FAR2: variants seen among roughly 807,000 people sequenced by gnomAD.
FAR2 encodes the protein fatty acyl-CoA reductase 2.
A neutral mutation model predicts 56.0 loss-of-function variants in FAR2; 19 were observed. That is an observed-to-expected ratio of 0.34 (90% CI 0.24 to 0.50). FAR2 has a LOEUF of 0.50. Among genes scored for constraint, FAR2 ranks in the 20% least tolerant of loss-of-function variants. FAR2 has a pLI of 0.98. For missense variants in FAR2, 508 were observed against 642.2 expected (o/e 0.79, Z 2.26); for synonymous variants, 219 against 218.8 (o/e 1.00, Z -0.01).
At chr12:29,259,956 G>A (rs936003228) in intron 1 of FAR2, among the ~76,000 whole-genome samples, 5 of 152,162 alleles carry the variant, frequency 3.3e-5, no homozygotes, top group Non-Finnish European at 7.4e-5. Context: ...CTCTGCATTA[G>A]TAGTCTGAGA....
At chr12:29,196,433 A>G (rs1023532071) in intron 1 of FAR2, among the ~76,000 whole-genome samples, 12 of 152,154 alleles carry the variant, frequency 7.9e-5, no homozygotes, top group African/African-American at 2.7e-4. Context: ...CATTTCTCTG[A>G]TAAGTAGTGA....
At chr12:29,266,171 G>T (rs1948512817) in intron 1 of FAR2, among the ~76,000 whole-genome samples, 1 of 152,126 alleles carries the variant, frequency 6.6e-6, no homozygotes, top group Admixed American at 6.6e-5. Flanking sequence ...ATACCCCGAT[G>T]AAAGGAAATC....
At chr12:29,247,222 T>C (rs1948142741) in intron 1 of FAR2, among the ~76,000 whole-genome samples, 1 of 152,176 alleles carries the variant, frequency 6.6e-6, no homozygotes, top group South Asian at 2.1e-4. Context: ...TTCCACATGG[T>C]TCAAGAAATA....
chr12:29,278,576 G>C (rs1485270276), intron 2 of FAR2, among the ~76,000 whole-genome samples: 1 of 151,762 alleles, frequency 6.6e-6, no homozygotes, highest in East Asian at 1.9e-4. Context: ...TCAAACTCCT[G>C]GTTTCAAGCA....
chr12:29,255,168 A>G (rs1288698254), intron 1 of FAR2, among the ~76,000 whole-genome samples: 2 of 151,934 alleles, frequency 1.3e-5, no homozygotes, highest in East Asian at 3.9e-4. Context: ...GGAGGCTAGA[A>G]TTCAAGATCA....
chr12:29,291,070 ATAG>A (rs1319996380), intron 2 of FAR2, among the ~76,000 whole-genome samples: 1 of 152,166 alleles, frequency 6.6e-6, no homozygotes, highest in Non-Finnish European at 1.5e-5. Flanking sequence ...CTTATTTCAT[ATAG>A]CATACCTGTA....
At position 29,316,859 on chromosome 12, in the gene FAR2, C is replaced by T; in HGVS notation, c.974C>T (p.Thr325Ile). The T allele has an allele frequency of 1.2e-6, 2 of 1,614,034 alleles. No individual in the cohort carries two copies. The highest frequency in any genetic ancestry group is 1.7e-6 in the Non-Finnish European group (2 of 1,179,964). Reference protein sequence around the residue: ...WHKMGVQVLATFEKIPFERPF... With the variant: ...WHKMGVQVLAIFEKIPFERPF... ...TCCCCAGGAGTCCAAGTCTTGGCAA[C>T]CTTTGAAAAAATCCCATTTGAGAGA... is the stretch of plus-strand genomic sequence containing the variant. Residue 325 changes from threonine to isoleucine, a missense_variant, in exon 9 of 12, where the codon ACC (threonine) becomes ATC (isoleucine). Thr to Ile is a moderately conservative substitution (Grantham distance 89). Coordinates refer to ENST00000536681, the MANE Select transcript of FAR2 (RefSeq NM_001271783.2).
At chr12:29,320,481 G>A (rs1291842683) in intron 9 of FAR2, among the ~76,000 whole-genome samples, 1 of 152,136 alleles carries the variant, frequency 6.6e-6, no homozygotes, top group Admixed American at 6.6e-5. Flanking sequence ...GATACAGTAA[G>A]AGAAATACCT....
In FAR2 at chr12:29,290,437, CTCTG is replaced by C. The variant is rs567006413; in HGVS notation, c.190-2858_190-2855del. On this transcript the variant is annotated intron_variant, in intron 2 of 11. Coordinates refer to ENST00000536681, the MANE Select transcript of FAR2 (RefSeq NM_001271783.2). ...CTCCAGCCTGGGTGACAGAGTGAGA[CTCTG>C]TCTGAGAAAAAAAAAAAAAGAAAGA... Among the ~76,000 whole-genome samples, 46 of 151,072 alleles carry C rather than the reference CTCTG, an allele frequency of 3.0e-4. No homozygotes were observed. The South Asian group carries it at 8.8e-3, about 29-fold the overall frequency.
Position 29,297,800 on chromosome 12 carries a change from C to CT in FAR2, c.545+603dup, listed in dbSNP as rs577031688. 1.7e-4 allele frequency among the ~76,000 whole-genome samples: 26 copies of CT among 152,176 alleles called. No individual in the cohort carries two copies. The East Asian group carries it at 4.8e-3, about 28-fold the overall frequency. ...GTGGCTCACGCCTGTAATCCCAGCA[C>CT]TTTGGGAGGCTGAGGCGGGTGGATC... On this transcript the variant is annotated intron_variant, in intron 4 of 11. Transcript: ENST00000536681.
At chr12:29,254,607 T>G (rs1241044107) in intron 1 of FAR2, among the ~76,000 whole-genome samples, 1 of 152,210 alleles carries the variant, frequency 6.6e-6, no homozygotes, top group Non-Finnish European at 1.5e-5. Flanking sequence ...AAGATCACAC[T>G]ATTATGCTAC....
chr12:29,293,362 A>C lies in FAR2; in HGVS notation c.252A>C (p.Ala84=). The C allele has an allele frequency of 1.2e-6, 2 of 1,611,918 alleles. No individual in the cohort carries two copies. The highest frequency in any genetic ancestry group is 1.7e-6 in the Non-Finnish European group (2 of 1,179,198). The change falls in exon 3 of 12, where the codon GCA becomes GCC. Residue 84 remains alanine, a synonymous_variant. Coordinates refer to ENST00000536681, the MANE Select transcript of FAR2 (RefSeq NM_001271783.2). ...NVHEKIRAIY[A]DLNQNDFAIS... is the part of the protein sequence containing the mutation. ...ATGAGAAGATCAGAGCTATTTATGCAGATCTCAATCAGAATGACTTTGCCA... is the reference window on the plus strand; with the variant it reads ...ATGAGAAGATCAGAGCTATTTATGCCGATCTCAATCAGAATGACTTTGCCA...
intron 1 of FAR2, chr12:29,224,025 C>A (rs1477000858): frequency 6.6e-6 from 1 of 152,176 alleles, no homozygotes; most frequent in African/African-American, 2.4e-5. Context: ...TTGGTCTGCA[C>A]TGTAGATCAG....
At chr12:29,198,890 A>G (rs1947369648) in intron 1 of FAR2, among the ~76,000 whole-genome samples, 1 of 151,782 alleles carries the variant, frequency 6.6e-6, no homozygotes. Context: ...CTTCTATTTG[A>G]CCTCTGCATT....
chr12:29,201,984 G>T (rs916050006), intron 1 of FAR2, among the ~76,000 whole-genome samples: 1 of 152,174 alleles, frequency 6.6e-6, no homozygotes, highest in East Asian at 1.9e-4. Context: ...AAATAAGTGA[G>T]TTCCTCTGCA....
chr12:29,214,622 G>C (rs1947597164), intron 1 of FAR2, among the ~76,000 whole-genome samples: 1 of 151,962 alleles, frequency 6.6e-6, no homozygotes, highest in Non-Finnish European at 1.5e-5. Context: ...AGGAGTTCGA[G>C]ACCAGCCTGA....
chr12:29,249,314 C>A lies in FAR2; in HGVS notation c.-38-21098C>A, dbSNP rs977900412. ...CGGTCCCTCCGTTTGGGGTCCCTGA[C>A]TTCCCGCAACAGTTTTTCATGCAAT... is the stretch of plus-strand genomic sequence containing the variant. On this transcript the variant is annotated intron_variant, in intron 1 of 11. Transcript: ENST00000536681. Among the ~76,000 whole-genome samples, 4 of 152,210 alleles carry A rather than the reference C, an allele frequency of 2.6e-5. No homozygotes were observed. The East Asian group carries it at 7.7e-4, about 29-fold the overall frequency.
intron 1 of FAR2, among the ~76,000 whole-genome samples, chr12:29,229,174 C>G (rs1191215582): frequency 1.3e-5 from 2 of 152,126 alleles, no homozygotes; most frequent in African/African-American, 2.4e-5. Context: ...GTTATGGTCT[C>G]CTTTTAATTC....
chr12:29,268,831 G>A (rs1398706433), intron 1 of FAR2, among the ~76,000 whole-genome samples: 1 of 152,120 alleles, frequency 6.6e-6, no homozygotes, highest in Non-Finnish European at 1.5e-5. Context: ...TCACATGTCG[G>A]TAGGTTCCAT....
Sources: allele counts gnomAD v4.1 joint callset (sites outside exome capture counted in the v4.1 genomes callset), GRCh38; gene constraint gnomAD v4.1.1; transcripts MANE v1.5; gene names NCBI Gene and HGNC (gene_info 2026-07-23, HGNC 2026-07-21).